LUZP2: variants seen among roughly 807,000 people sequenced by gnomAD.
The protein encoded by LUZP2 is leucine zipper protein 2.
LUZP2 carries 52 observed loss-of-function variants against 51.6 expected under a neutral mutation model. The observed-to-expected ratio is 1.01, with a 90% CI of 0.81 to 1.27. LUZP2 has a LOEUF of 1.27. LUZP2 is among the 50% of genes most tolerant of loss of function. LUZP2 has a pLI of 0.00. For missense variants in LUZP2, 436 were observed against 395.4 expected (o/e 1.10, Z -0.87); for synonymous variants, 154 against 137.3 (o/e 1.12, Z -0.85).
intron 1 of LUZP2, among the ~76,000 whole-genome samples, chr11:24,547,373 T>G (rs375702115): frequency 6.6e-6 from 1 of 151,942 alleles, no homozygotes; most frequent in South Asian, 2.1e-4. Flanking sequence ...AACAGACACA[T>G]AGACCAACGG....
intron 9 of LUZP2, among the ~76,000 whole-genome samples, chr11:24,986,679 GC>G (rs1856198046): frequency 6.6e-6 from 1 of 151,294 alleles, no homozygotes; most frequent in East Asian, 1.9e-4. Context: ...CTCAGAAAAG[GC>G]AAATTAATAA....
At chr11:24,895,937 C>G (rs1853027684) in intron 5 of LUZP2, among the ~76,000 whole-genome samples, 1 of 152,214 alleles carries the variant, frequency 6.6e-6, no homozygotes, top group South Asian at 2.1e-4. Context: ...GGTGGCTTCA[C>G]CAATTTACGT....
intron 9 of LUZP2, among the ~76,000 whole-genome samples, chr11:25,046,002 A>G (rs1858294655): frequency 6.6e-6 from 1 of 152,182 alleles, no homozygotes; most frequent in South Asian, 2.1e-4. Flanking sequence ...GGACACATGA[A>G]TCACAAAAAT....
intron 9 of LUZP2, among the ~76,000 whole-genome samples, chr11:25,030,013 A>G (rs972335195): frequency 6.6e-6 from 1 of 152,116 alleles, no homozygotes; most frequent in Non-Finnish European, 1.5e-5. Flanking sequence ...ACATAACCAC[A>G]TGATTTGGGG....
At chr11:24,613,980 A>G (rs1854206960) in intron 1 of LUZP2, among the ~76,000 whole-genome samples, 1 of 151,848 alleles carries the variant, frequency 6.6e-6, no homozygotes. Context: ...TGTGTGTTCT[A>G]TTTACATTTG....
intron 5 of LUZP2, among the ~76,000 whole-genome samples, chr11:24,853,407 G>A (rs1307203335): frequency 4.0e-5 from 6 of 151,728 alleles, no homozygotes; most frequent in South Asian, 2.1e-4. Flanking sequence ...CTGCTTGATC[G>A]ATTCAGCTAT....
chr11:24,652,108 G>A (rs1388309582), intron 1 of LUZP2, among the ~76,000 whole-genome samples: 1 of 12,988 alleles, frequency 7.7e-5, no homozygotes, highest in African/African-American at 1.1e-4. Flanking sequence ...GTGTGTATAT[G>A]TGTTTGTGTG....
intron 1 of LUZP2, among the ~76,000 whole-genome samples, chr11:24,650,954 C>T (rs541004528): frequency 1.6e-4 from 24 of 152,114 alleles, no homozygotes; most frequent in African/African-American, 5.8e-4. Flanking sequence ...TGTGAAGTTC[C>T]CAGCACAGTT....
chr11:24,534,832 A>G (rs1851122695), intron 1 of LUZP2, among the ~76,000 whole-genome samples: 1 of 151,390 alleles, frequency 6.6e-6, no homozygotes, highest in African/African-American at 2.4e-5. Context: ...AATATTTATA[A>G]CGATAATGTG....
At chr11:24,636,436 G>A (rs1269776871) in intron 1 of LUZP2, among the ~76,000 whole-genome samples, 3 of 152,262 alleles carry the variant, frequency 2.0e-5, no homozygotes, top group Admixed American at 1.3e-4. Flanking sequence ...CAAATCCAGA[G>A]CACTCTGTTA....
chr11:25,030,223 A>T (rs7128163), intron 9 of LUZP2, among the ~76,000 whole-genome samples: 87,616 of 151,444 alleles, frequency 0.58, 26,412 homozygotes, highest in African/African-American at 0.75. Context: ...TTTGGAACTC[A>T]CATTTTTCAC....
intron 5 of LUZP2, among the ~76,000 whole-genome samples, chr11:24,798,585 C>G (rs529485548): frequency 6.6e-6 from 1 of 152,134 alleles, no homozygotes. Flanking sequence ...GTGTGCAATA[C>G]CAAATCAGAG....
intron 1 of LUZP2, among the ~76,000 whole-genome samples, chr11:24,683,564 G>A (rs529842503): frequency 2.3e-4 from 35 of 152,124 alleles, no homozygotes; most frequent in African/African-American, 8.2e-4. Flanking sequence ...TTTTACATCA[G>A]TCTTCAAAAT....
intron 9 of LUZP2, among the ~76,000 whole-genome samples, chr11:25,024,188 T>C (rs1857418273): frequency 6.6e-6 from 1 of 152,104 alleles, no homozygotes; most frequent in Admixed American, 6.6e-5. Context: ...CTGGATATCC[T>C]TGTTAACTTT....
At chr11:24,785,940 C>A in intron 5 of LUZP2, 1 of 985,236 alleles carries the variant, frequency 1.0e-6, no homozygotes. Flanking sequence ...TGACTTCCTA[C>A]AAGCAGTCAC....
At chr11:24,902,207 T>A (rs1853301308) in intron 5 of LUZP2, among the ~76,000 whole-genome samples, 1 of 152,094 alleles carries the variant, frequency 6.6e-6, no homozygotes. Context: ...TTTATAAAAA[T>A]AAACTGGTAA....
At chr11:24,737,533 G>A (rs985010282) in intron 3 of LUZP2, among the ~76,000 whole-genome samples, 1 of 151,546 alleles carries the variant, frequency 6.6e-6, no homozygotes, top group Admixed American at 6.6e-5. Flanking sequence ...AAGATAATAT[G>A]ATGTGTTATA....
At chr11:24,682,580 A>G (rs865783985) in intron 1 of LUZP2, among the ~76,000 whole-genome samples, 2 of 141,790 alleles carry the variant, frequency 1.4e-5, no homozygotes, top group Admixed American at 7.0e-5. Context: ...GAATTTATAT[A>G]TATATATGTG....
intron 5 of LUZP2, among the ~76,000 whole-genome samples, chr11:24,888,129 T>C (rs1852731657): frequency 6.6e-6 from 1 of 152,176 alleles, no homozygotes; most frequent in African/African-American, 2.4e-5. Context: ...ATTGAGGCCT[T>C]ATCATTCCAC....
Sources: gnomAD v4.1 joint callset for allele counts (sites outside exome capture counted in the v4.1 genomes callset) on GRCh38, gnomAD v4.1.1 for gene constraint, MANE v1.5 for transcripts, NCBI Gene and HGNC (gene_info 2026-07-23, HGNC 2026-07-21) for gene names.